DAB2IP: variants seen among roughly 807,000 people sequenced by gnomAD.
The protein encoded by DAB2IP is DAB2 interacting protein.
Under a neutral mutation model 107.2 loss-of-function variants are expected in DAB2IP, and 28 were observed. The observed-to-expected ratio is 0.26, with a 90% confidence interval of 0.19 to 0.36. The LOEUF (loss-of-function observed/expected upper bound fraction) is 0.36, where lower values mean the gene tolerates loss of function less well. Ranked by LOEUF, DAB2IP falls within the 10% of genes least tolerant of loss-of-function variation. DAB2IP has a pLI of 1.00. For missense variants in DAB2IP, 1,400 were observed against 1,644.7 expected (o/e 0.85, Z 2.57); for synonymous variants, 755 against 706.4 (o/e 1.07, Z -1.09).
intron 14 of DAB2IP, among the ~76,000 whole-genome samples, chr9:121,778,013 C>CAT (rs1835325641): frequency 6.6e-6 from 1 of 152,142 alleles, no homozygotes; most frequent in Non-Finnish European, 1.5e-5. Flanking sequence ...TGTCTTGGTC[C>CAT]ATTCAGGCTG....
rs74760237 is a variant in DAB2IP, at chr9:121,632,173, C to T, written c.41-46505C>T. Among the ~76,000 whole-genome samples the T allele has an allele frequency of 4.0e-3, 613 of 152,306 alleles. 7 individuals carry two copies. Among genetic ancestry groups the T allele is most frequent in the African/African-American group, 0.014 (590 of 41,548 alleles). ...CTGCGGGTTACTAGCTGCGTGGCCTCGGGCGTGTTTGTTACGCTTGCGAAT... is the reference window on the plus strand; with the variant it reads ...CTGCGGGTTACTAGCTGCGTGGCCTTGGGCGTGTTTGTTACGCTTGCGAAT... On this transcript the variant is annotated intron_variant, in intron 1 of 16. Coordinates refer to the DAB2IP transcript ENST00000259371.
chr9:121,652,660 G>T (rs996726716), intron 1 of DAB2IP, among the ~76,000 whole-genome samples: 1 of 152,224 alleles, frequency 6.6e-6, no homozygotes, highest in Admixed American at 6.5e-5. Context: ...TGGGGTGGAA[G>T]GGAGGAGAAA....
intron 1 of DAB2IP, among the ~76,000 whole-genome samples, chr9:121,609,098 C>T (rs760044537): frequency 2.0e-5 from 3 of 152,206 alleles, no homozygotes. Context: ...TGTGCCATCA[C>T]GGCCAGCTAT....
intron 3 of DAB2IP, among the ~76,000 whole-genome samples, chr9:121,727,683 A>G (rs1360176465): frequency 6.6e-6 from 1 of 152,178 alleles, no homozygotes; most frequent in Non-Finnish European, 1.5e-5. Context: ...GAGAAAAGGA[A>G]TGTTGGGGGC....
At chr9:121,748,160 T>A (rs1428035793) in intron 3 of DAB2IP, among the ~76,000 whole-genome samples, 5 of 152,214 alleles carry the variant, frequency 3.3e-5, no homozygotes, top group Non-Finnish European at 5.9e-5. Context: ...CGTAGGGTTT[T>A]TGTGGCTTTC....
upstream of DAB2IP, among the ~76,000 whole-genome samples, chr9:121,650,933 T>C (rs964737440): frequency 1.3e-5 from 2 of 152,174 alleles, no homozygotes; most frequent in African/African-American, 4.8e-5. Flanking sequence ...CGTATTGCCA[T>C]TGTGCTCTGG....
intron 1 of DAB2IP, among the ~76,000 whole-genome samples, chr9:121,653,243 AG>A (rs1832833159): frequency 1.4e-5 from 2 of 138,690 alleles, no homozygotes; most frequent in African/African-American, 2.7e-5. Context: ...TACTCCTTGG[AG>A]GGAGTACTAA....
intron 1 of DAB2IP, among the ~76,000 whole-genome samples, chr9:121,579,981 C>G (rs910971571): frequency 3.3e-5 from 5 of 152,188 alleles, no homozygotes; most frequent in Non-Finnish European, 7.3e-5. Context: ...TCATCTGCCT[C>G]AGGATCATTC....
chr9:121,762,736 A>C (rs1428573333), intron 6 of DAB2IP, among the ~76,000 whole-genome samples: 1 of 151,996 alleles, frequency 6.6e-6, no homozygotes, highest in Admixed American at 6.5e-5. Flanking sequence ...CCCCTCCCCC[A>C]AGCCACAGGT....
intron 1 of DAB2IP, chr9:121,598,292 G>C (rs1162755461): frequency 6.6e-6 from 1 of 152,330 alleles, no homozygotes; most frequent in South Asian, 2.1e-4. Context: ...CTGTCTGTAC[G>C]ACTGGGAGAG....
At chr9:121,607,019 C>G (rs1423018902) in intron 1 of DAB2IP, among the ~76,000 whole-genome samples, 1 of 152,156 alleles carries the variant, frequency 6.6e-6, no homozygotes, top group Non-Finnish European at 1.5e-5. Context: ...AAGTGATCCA[C>G]CCACCTGGGC....
At chr9:121,653,208 C>A (rs981794567) in intron 1 of DAB2IP, among the ~76,000 whole-genome samples, 5 of 49,564 alleles carry the variant, frequency 1.0e-4, no homozygotes, top group Admixed American at 8.7e-4. Context: ...TTTAGTACTC[C>A]TTGGAGGGAG....
chr9:121,654,081 G>T (rs1005649528), intron 1 of DAB2IP, among the ~76,000 whole-genome samples: 1 of 152,246 alleles, frequency 6.6e-6, no homozygotes, highest in Non-Finnish European at 1.5e-5. Context: ...CAGTGACCTT[G>T]TGTGGTCAAT....
At chr9:121,632,431 C>G (rs80201747) in intron 1 of DAB2IP, among the ~76,000 whole-genome samples, 3,356 of 152,190 alleles carry the variant, frequency 0.022, 126 homozygotes, top group African/African-American at 0.077. Flanking sequence ...AGTTTCAGAT[C>G]AGGACCAAAG....
chr9:121,613,563 C>T (rs957278792), intron 1 of DAB2IP, among the ~76,000 whole-genome samples: 4 of 152,056 alleles, frequency 2.6e-5, no homozygotes, highest in Non-Finnish European at 5.9e-5. Context: ...CTGAGAGGTT[C>T]GCTTCCTCTT....
chr9:121,567,102 G>A, exon 1 of DAB2IP: 1 of 1,569,968 alleles, frequency 6.4e-7, no homozygotes, highest in Admixed American at 1.8e-5. Context: ...GCCGCCAGAT[G>A]GAATACAAAA....
chr9:121,571,637 C>T (rs936078533), intron 1 of DAB2IP, among the ~76,000 whole-genome samples: 1 of 152,122 alleles, frequency 6.6e-6, no homozygotes, highest in Non-Finnish European at 1.5e-5. Flanking sequence ...GTGAAGACCC[C>T]AGTTCTGATT....
chr9:121,664,595 G>GT (rs1833342624), intron 1 of DAB2IP, among the ~76,000 whole-genome samples: 1 of 152,204 alleles, frequency 6.6e-6, no homozygotes, highest in African/African-American at 2.4e-5. Flanking sequence ...TCTCTTATGT[G>GT]TTAAATTTAT....
intron 3 of DAB2IP, among the ~76,000 whole-genome samples, chr9:121,717,767 T>A (rs991584015): frequency 7.9e-5 from 12 of 152,182 alleles, no homozygotes; most frequent in African/African-American, 2.7e-4. Flanking sequence ...CTCCCTCTTC[T>A]TTCTCTCTTC....
Sources: gnomAD v4.1 joint callset for allele counts (sites outside exome capture counted in the v4.1 genomes callset) on GRCh38, gnomAD v4.1.1 for gene constraint, MANE v1.5 for transcripts, NCBI Gene and HGNC (gene_info 2026-07-23, HGNC 2026-07-21) for gene names.